Variants in SATB2 observed in about 807,000 individuals in gnomAD.
The protein encoded by SATB2 is DNA-binding protein SATB2.
In SATB2, 1 loss-of-function variant was observed where a neutral mutation model predicts 73.4. That is an observed-to-expected ratio of 0.01 (90% CI 0.00 to 0.06). The LOEUF is 0.06. Ranked by LOEUF, SATB2 falls within the 10% of genes least tolerant of loss-of-function variation. The pLI, the probability that SATB2 is intolerant of heterozygous loss-of-function variation, is 1.00. For synonymous variants in SATB2, 397 were observed against 367.0 expected (o/e 1.08, Z -0.93); for missense variants, 459 against 945.8 (o/e 0.49, Z 6.75).
At chr2:199,345,989 T>C (rs1020384163) in intron 7 of SATB2, among the ~76,000 whole-genome samples, 14 of 152,158 alleles carry the variant, frequency 9.2e-5, no homozygotes, top group African/African-American at 3.4e-4. Flanking sequence ...AAATTGATAA[T>C]AACTCTTTAC....
At chr2:199,288,977 C>T (rs1309252123) in intron 10 of SATB2, among the ~76,000 whole-genome samples, 2 of 152,092 alleles carry the variant, frequency 1.3e-5, no homozygotes, top group African/African-American at 4.8e-5. Context: ...TCAGACATAG[C>T]CTTTAGTTTT....
intron 8 of SATB2, among the ~76,000 whole-genome samples, chr2:199,328,431 C>T (rs1203484146): frequency 2.0e-5 from 3 of 152,016 alleles, no homozygotes; most frequent in Non-Finnish European, 4.4e-5. Flanking sequence ...ATGCCAGCTA[C>T]TTGGGAGGCT....
At chr2:199,415,779 G>A (rs1349430830) in intron 3 of SATB2, among the ~76,000 whole-genome samples, 3 of 152,130 alleles carry the variant, frequency 2.0e-5, no homozygotes, top group South Asian at 4.1e-4. Context: ...GCTAGATCTG[G>A]GGCACCTGCA....
chr2:199,284,004 G>A (rs962546014), intron 10 of SATB2, among the ~76,000 whole-genome samples: 47 of 152,064 alleles, frequency 3.1e-4, no homozygotes, highest in Middle Eastern at 3.2e-3. Context: ...ATGGTTATTC[G>A]GATCTGCATA....
chr2:199,333,158 A>G (rs1179229971), intron 7 of SATB2, among the ~76,000 whole-genome samples: 2 of 143,970 alleles, frequency 1.4e-5, no homozygotes, highest in African/African-American at 5.7e-5. Flanking sequence ...CCTAGTCTCA[A>G]AAAAAAAAAC....
intron 6 of SATB2, among the ~76,000 whole-genome samples, chr2:199,367,006 C>T (rs187244370): frequency 2.0e-5 from 3 of 152,070 alleles, no homozygotes; most frequent in Non-Finnish European, 4.4e-5. Flanking sequence ...GAATTACACT[C>T]CAGCCTATTA....
chr2:199,312,394 G>A (rs1318778896), intron 9 of SATB2, among the ~76,000 whole-genome samples: 1 of 152,184 alleles, frequency 6.6e-6, no homozygotes, highest in African/African-American at 2.4e-5. Flanking sequence ...TATATTCCTA[G>A]AGTCCATTTA....
chr2:199,402,310 G>A (rs12992313), intron 3 of SATB2, among the ~76,000 whole-genome samples: 88,467 of 151,984 alleles, frequency 0.58, 30,432 homozygotes, highest in Non-Finnish European at 0.76. Flanking sequence ...ACTTGAACCC[G>A]GAAGGTGGAG....
At chr2:199,275,301 C>A (rs1692279480) in intron 10 of SATB2, among the ~76,000 whole-genome samples, 1 of 152,180 alleles carries the variant, frequency 6.6e-6, no homozygotes, top group African/African-American at 2.4e-5. Context: ...CTGCTTCACT[C>A]CCCTTTGTTT....
At chr2:199,317,607 TATTG>T (rs549630101) in intron 9 of SATB2, among the ~76,000 whole-genome samples, 5 of 152,082 alleles carry the variant, frequency 3.3e-5, no homozygotes, top group Non-Finnish European at 7.4e-5. Flanking sequence ...TCATCATTAT[TATTG>T]ATTGTCTAAG....
At chr2:199,443,623 C>A (rs778837149) in intron 2 of SATB2, among the ~76,000 whole-genome samples, 3 of 150,464 alleles carry the variant, frequency 2.0e-5, no homozygotes, top group Non-Finnish European at 4.4e-5. Flanking sequence ...AAAACATTTA[C>A]GGATACTTAA....
intron 10 of SATB2, among the ~76,000 whole-genome samples, chr2:199,281,659 A>G (rs1376030933): frequency 6.6e-6 from 1 of 152,156 alleles, no homozygotes; most frequent in Non-Finnish European, 1.5e-5. Flanking sequence ...TCTACCCTCT[A>G]ATATTCCCCT....
At chr2:199,286,951 T>C (rs919646293) in intron 10 of SATB2, among the ~76,000 whole-genome samples, 3 of 152,106 alleles carry the variant, frequency 2.0e-5, no homozygotes, top group Admixed American at 1.3e-4. Flanking sequence ...CATAACCAGG[T>C]AACTAAATGA....
At chr2:199,459,161 G>C (rs929090517), upstream of SATB2, among the ~76,000 whole-genome samples, 1 of 152,070 alleles carries the variant, frequency 6.6e-6, no homozygotes, top group African/African-American at 2.4e-5. This position sits in a 1 kb window ranked among gnomAD's most constrained non-coding sequence, Gnocchi z 4.2. Flanking sequence ...CTACAGGACT[G>C]GGGCTCCTGG....
At chr2:199,352,749 C>G (rs1357445431) in intron 6 of SATB2, among the ~76,000 whole-genome samples, 1 of 152,196 alleles carries the variant, frequency 6.6e-6, no homozygotes, top group Non-Finnish European at 1.5e-5. Context: ...ACTACCTAAC[C>G]TCAGCCAGTT....
chr2:199,346,203 G>A (rs1194088622), intron 7 of SATB2, among the ~76,000 whole-genome samples: 1 of 150,482 alleles, frequency 6.6e-6, no homozygotes, highest in Non-Finnish European at 1.5e-5. Flanking sequence ...AGGCTGGAGT[G>A]CAGTGGCGCA....
rs1413231761 is a variant in SATB2, at chr2:199,270,333, T to TA, written c.*1877dup. The TA allele has an allele frequency of 1.3e-5, 2 of 152,716 alleles. No individual in the cohort carries two copies. The highest frequency in any genetic ancestry group is 2.9e-5 in the Non-Finnish European group (2 of 68,010). The allele number at this position is 152,716 out of a possible 1,614,324, so 9.5% of individuals were successfully genotyped here. A position where few individuals can be genotyped will look rare whatever the true frequency, so the allele number is the denominator to read the frequency against. On this transcript the variant is annotated 3_prime_UTR_variant, in exon 11 of 11. Coordinates refer to ENST00000417098, the MANE Select transcript of SATB2 (RefSeq NM_001172509.2). ...CAACATGTCTTCTCCCTGTATATTG[T>TA]AAGTTCTGAGTTAATATCTACACAT... is the stretch of plus-strand genomic sequence containing the variant.
chr2:199,273,545 T>C (rs1692220244), intron 10 of SATB2, among the ~76,000 whole-genome samples: 1 of 152,232 alleles, frequency 6.6e-6, no homozygotes, highest in Non-Finnish European at 1.5e-5. Context: ...AGTTCTAGTT[T>C]TGAGTCTTTT....
intron 7 of SATB2, among the ~76,000 whole-genome samples, chr2:199,340,933 T>C (rs891892294): frequency 6.6e-6 from 1 of 151,192 alleles, no homozygotes; most frequent in East Asian, 1.9e-4. Flanking sequence ...CATACGAATA[T>C]GTAGGTCATT....
Sources: allele counts gnomAD v4.1 joint callset (sites outside exome capture counted in the v4.1 genomes callset), GRCh38; gene constraint gnomAD v4.1.1; non-coding constraint Gnocchi (gnomAD v3.1); transcripts MANE v1.5; gene names NCBI Gene and HGNC (gene_info 2026-07-23, HGNC 2026-07-21).